The following RFX2 variants were observed in gnomAD, a reference collection of about 807,000 sequenced individuals.
The protein encoded by RFX2 is DNA-binding protein RFX2.
A neutral mutation model predicts 87.8 loss-of-function variants in RFX2; 20 were observed. The ratio of observed to expected loss-of-function variants is 0.23; its 90% CI spans 0.16 to 0.33. RFX2 has a LOEUF of 0.33. Ranked by LOEUF, RFX2 falls within the 10% of genes least tolerant of loss-of-function variation. RFX2 has a pLI of 1.00. For synonymous variants in RFX2, 397 were observed against 431.3 expected (o/e 0.92, Z 0.98); for missense variants, 767 against 1,012.3 (o/e 0.76, Z 3.29).
rs2086486738 is a variant in RFX2 at position 6,001,278 on chromosome 19, T to G, written c.1859+537A>C. 6.6e-6 allele frequency among the ~76,000 whole-genome samples: 1 copy of G among 152,170 alleles called. No homozygotes were observed. The highest frequency in any genetic ancestry group is 2.4e-5 in the African/African-American group (1 of 41,420). ...GTTCTGAGATAGCTTTGTTCCCCCC[T>G]TAGAGATGGGGTCTTGCTCTGTCAC... On this transcript the variant is annotated intron_variant, in intron 15 of 17. Coordinates refer to ENST00000303657, the MANE Select transcript of RFX2 (RefSeq NM_000635.4). The surrounding 1 kb of genome is among the most constrained non-coding windows in gnomAD (Gnocchi z 5.6).
intron 1 of RFX2, chr19:6,067,864 G>C (rs1185284970): frequency 2.0e-5 from 3 of 152,208 alleles, no homozygotes; most frequent in African/African-American, 7.2e-5. Flanking sequence ...ACCTTTCAAG[G>C]AGCTCTCAGC....
chr19:6,089,964 T>C (rs191915039), intron 1 of RFX2, among the ~76,000 whole-genome samples: 2 of 152,152 alleles, frequency 1.3e-5, no homozygotes, highest in East Asian at 3.9e-4. Context: ...TTTGGATTGT[T>C]TGTTTGTTTG....
At chr19:6,078,658 A>G (rs977461418) in intron 1 of RFX2, among the ~76,000 whole-genome samples, 34 of 152,382 alleles carry the variant, frequency 2.2e-4, no homozygotes, top group African/African-American at 8.2e-4. Flanking sequence ...TTATATGACT[A>G]ACAGTGCTTA....
rs574578018 is a variant in RFX2 at position 6,042,144 on chromosome 19, C to T, written c.181-21G>A. ...TGCACCTGAAACATCGGATACGCTG[C>T]GTTACCGCCAGTCACGCCCTCGTGA... On this transcript the variant is annotated intron_variant, in intron 3 of 17. Transcript: ENST00000303657. 78 of 1,610,834 alleles carry T rather than the reference C, an allele frequency of 4.8e-5. No homozygotes were observed. The South Asian group carries it at 6.6e-4, about 14-fold the overall frequency.
At chr19:6,095,770 C>T (rs950151747) in intron 1 of RFX2, among the ~76,000 whole-genome samples, 1 of 152,184 alleles carries the variant, frequency 6.6e-6, no homozygotes, top group Non-Finnish European at 1.5e-5. Flanking sequence ...AACTACCGCC[C>T]ACCACCCAAA....
At chr19:6,038,473 T>C (rs1317006601) in intron 5 of RFX2, among the ~76,000 whole-genome samples, 1 of 150,516 alleles carries the variant, frequency 6.6e-6, no homozygotes, top group Non-Finnish European at 1.5e-5. Context: ...AGAAGAAAAA[T>C]TGATAAGTTG....
In RFX2 at chr19:6,016,272, C is replaced by T. The variant is rs1420819923; in HGVS notation, c.598-1G>A. 4 of 1,593,114 alleles carry T rather than the reference C, an allele frequency of 2.5e-6. No individual in the cohort carries two copies. Among genetic ancestry groups the T allele is most frequent in the Non-Finnish European group, 8.6e-7 (1 of 1,166,996 alleles). ...CATAATTATCCAACAGCCACTGGAGCTGTAAAAAGAAAGACACGTCTGCGT... is the reference window on the plus strand; with the variant it reads ...CATAATTATCCAACAGCCACTGGAGTTGTAAAAAGAAAGACACGTCTGCGT... On this transcript the variant is annotated splice_acceptor_variant, in intron 6 of 17. Transcript: ENST00000303657. LOFTEE classifies it high-confidence loss of function. This position sits in a 1 kb window ranked among gnomAD's most constrained non-coding sequence, Gnocchi z 5.4.
rs2087468888 is a variant in RFX2, at chr19:6,063,497, G to T, written c.-8-15993C>A. ...CACCTGCCAGGGTGGGGATGGACAA[G>T]ACCCCTCCAGCAGGGCCAGGCAGGC... is the stretch of plus-strand genomic sequence containing the variant. On this transcript the variant is annotated intron_variant, in intron 1 of 17. Coordinates refer to ENST00000303657, the MANE Select transcript of RFX2 (RefSeq NM_000635.4). This position sits in a 1 kb window ranked among gnomAD's most constrained non-coding sequence, Gnocchi z 4.0. 6.6e-6 allele frequency among the ~76,000 whole-genome samples: 1 copy of T among 152,210 alleles called. No homozygotes were observed. The highest frequency in any genetic ancestry group is 1.5e-5 in the Non-Finnish European group (1 of 68,032).
chr19:6,059,780 A>G (rs1474139037), intron 1 of RFX2, among the ~76,000 whole-genome samples: 1 of 152,148 alleles, frequency 6.6e-6, no homozygotes, highest in African/African-American at 2.4e-5. Context: ...TATACACAAA[A>G]GTACACATGC....
chr19:6,095,027 G>C (rs1033951950), intron 1 of RFX2, among the ~76,000 whole-genome samples: 1 of 152,168 alleles, frequency 6.6e-6, no homozygotes, highest in Non-Finnish European at 1.5e-5. Context: ...CAGGAGAATG[G>C]TGTGAACCCA....
chr19:6,034,080 T>C (rs762163486), intron 5 of RFX2, among the ~76,000 whole-genome samples: 4 of 152,130 alleles, frequency 2.6e-5, no homozygotes, highest in Non-Finnish European at 5.9e-5. Context: ...TTTTTATTTA[T>C]TTATTTAGAG....
chr19:6,075,295 G>A (rs1025751825), intron 1 of RFX2, among the ~76,000 whole-genome samples: 2 of 152,120 alleles, frequency 1.3e-5, no homozygotes, highest in Non-Finnish European at 2.9e-5. Context: ...GGAGGAGGAG[G>A]AGAAGATGGA....
In RFX2 at chr19:6,001,801, CT is replaced by C; in HGVS notation, c.1859+13del. 1 of 1,583,272 alleles carries C rather than the reference CT, an allele frequency of 6.3e-7. No homozygotes were observed. The highest frequency in any genetic ancestry group is 8.6e-7 in the Non-Finnish European group (1 of 1,162,036). ...CACCCGCCAGAATTCTCTCGGAGGT[CT>C]GGTGGGACTAACCTGTAAAAGGACC... On this transcript the variant is annotated intron_variant, in intron 15 of 17. Transcript: ENST00000303657. The surrounding 1 kb of genome is among the most constrained non-coding windows in gnomAD (Gnocchi z 5.6).
chr19:6,010,890 G>A lies in RFX2; in HGVS notation c.900-639C>T, dbSNP rs1047142668. ...CCAGTGCTTTGGGAGGCCGAGGCAG[G>A]TGGATCATCTGAGGTCGGGAGTTCG... On this transcript the variant is annotated intron_variant, in intron 8 of 17. Coordinates refer to ENST00000303657, the MANE Select transcript of RFX2 (RefSeq NM_000635.4). The surrounding 1 kb of genome is among the most constrained non-coding windows in gnomAD (Gnocchi z 5.0). Among the ~76,000 whole-genome samples, 3 of 152,210 alleles carry A rather than the reference G, an allele frequency of 2.0e-5. No homozygotes were observed. Among genetic ancestry groups the A allele is most frequent in the African/African-American group, 7.2e-5 (3 of 41,450 alleles).
chr19:6,004,359 A>G lies in RFX2; in HGVS notation c.1403-61T>C. The G allele has an allele frequency of 1.4e-6, 2 of 1,390,758 alleles. No homozygotes were observed. Among genetic ancestry groups the G allele is most frequent in the Non-Finnish European group, 2.0e-6 (2 of 977,034 alleles). The allele number at this position is 1,390,758 out of a possible 1,614,324, so 86.2% of individuals were successfully genotyped here. The stretch of plus-strand genomic sequence containing the variant: ...AGGCAGTGACTGGACCCTGGAAATC[A>G]GCATTCAGTGTAAGAGCTGGCCCAA... On this transcript the variant is annotated intron_variant, in intron 12 of 17. Coordinates refer to ENST00000303657, the MANE Select transcript of RFX2 (RefSeq NM_000635.4). The surrounding 1 kb of genome is among the most constrained non-coding windows in gnomAD (Gnocchi z 4.8).
At chr19:5,995,378 T>A (rs2086392479) in intron 17 of RFX2, among the ~76,000 whole-genome samples, 1 of 152,124 alleles carries the variant, frequency 6.6e-6, no homozygotes. Flanking sequence ...GGGCAGCGGC[T>A]ACCCAGAGGC....
chr19:6,006,540 C>T (rs2086584507), intron 12 of RFX2, among the ~76,000 whole-genome samples: 1 of 143,608 alleles, frequency 7.0e-6, no homozygotes, highest in Non-Finnish European at 1.5e-5. Flanking sequence ...ACCTCTTCCT[C>T]CTGGGTTAAA....
rs981222994 is a variant in RFX2 at position 6,012,798 on chromosome 19, G to A, written c.899+188C>T. Among the ~76,000 whole-genome samples the A allele has an allele frequency of 7.2e-5, 11 of 152,214 alleles. No individual in the cohort carries two copies. The highest frequency in any genetic ancestry group is 2.7e-4 in the African/African-American group (11 of 41,454). On this transcript the variant is annotated intron_variant, in intron 8 of 17. Transcript: ENST00000303657. This position sits in a 1 kb window ranked among gnomAD's most constrained non-coding sequence, Gnocchi z 4.6. ...AAAAAGTCTGAAAAGTTAGCTGGAG[G>A]AGGTTGCATCCCAGCCTCCTGTGTC...
chr19:6,083,777 G>T lies in RFX2; in HGVS notation c.-9+26616C>A, dbSNP rs2087818254. 6.6e-6 allele frequency among the ~76,000 whole-genome samples: 1 copy of T among 152,006 alleles called. No individual in the cohort carries two copies. Among genetic ancestry groups the T allele is most frequent in the Admixed American group, 6.6e-5 (1 of 15,242 alleles). On this transcript the variant is annotated intron_variant, in intron 1 of 17. Coordinates refer to ENST00000303657, the MANE Select transcript of RFX2 (RefSeq NM_000635.4). The surrounding 1 kb of genome is among the most constrained non-coding windows in gnomAD (Gnocchi z 4.6). ...TGTACAGATGGGGTCTCACCATCTT[G>T]CCCAGGCTGTGACCCCTATCTTGGA...
Sources: gnomAD v4.1 joint callset for allele counts (sites outside exome capture counted in the v4.1 genomes callset) on GRCh38, gnomAD v4.1.1 for gene constraint, Gnocchi (gnomAD v3.1) non-coding constraint, MANE v1.5 for transcripts, NCBI Gene and HGNC (gene_info 2026-07-23, HGNC 2026-07-21) for gene names.